TENM3: variants seen among roughly 807,000 people sequenced by gnomAD.
TENM3 encodes teneurin transmembrane protein 3, also known as teneurin-3.
In TENM3, 63 loss-of-function variants were observed where a neutral mutation model predicts 255.1. The ratio of observed to expected loss-of-function variants is 0.25; its 90% CI spans 0.20 to 0.30. The LOEUF (loss-of-function observed/expected upper bound fraction) is 0.30, where lower values mean the gene tolerates loss of function less well. Among genes scored for constraint, TENM3 ranks in the 10% least tolerant of loss-of-function variants. TENM3 has a pLI of 1.00. For missense variants in TENM3, 2,929 were observed against 3,461.1 expected (o/e 0.85, Z 3.86); for synonymous variants, 1,306 against 1,322.3 (o/e 0.99, Z 0.27).
At chr4:181,667,794 C>T in the TENM3 span, among the ~76,000 whole-genome samples, 9 of 152,170 alleles carry the variant, frequency 5.9e-5, no homozygotes, top group Non-Finnish European at 1.3e-4. Context: ...AGACACTGTC[C>T]TTTACAGAGA....
At chr4:181,609,405 C>G in the TENM3 span, among the ~76,000 whole-genome samples, 1 of 152,104 alleles carries the variant, frequency 6.6e-6, no homozygotes, top group Non-Finnish European at 1.5e-5. Context: ...AATATACTGC[C>G]TAGAATATAT....
chr4:182,508,143 T>G lies in TENM3; in HGVS notation c.512-92781T>G, dbSNP rs1737027787. ...TACTACCTATCTTGTTGAGCTGTTA[T>G]AAGGATGAGACATACCACATGTAAT... is the stretch of plus-strand genomic sequence containing the variant. On this transcript the variant is annotated intron_variant, in intron 3 of 27. Coordinates refer to ENST00000511685, the MANE Select transcript of TENM3 (RefSeq NM_001080477.4). 3.3e-5 allele frequency among the ~76,000 whole-genome samples: 5 copies of G among 152,336 alleles called. No individual in the cohort carries two copies. The South Asian group carries it at 1.0e-3, about 32-fold the overall frequency.
At chr4:182,654,908 GA>G (rs1348457111) in intron 6 of TENM3, among the ~76,000 whole-genome samples, 1 of 151,936 alleles carries the variant, frequency 6.6e-6, no homozygotes, top group Non-Finnish European at 1.5e-5. Flanking sequence ...TCTCCTTAGG[GA>G]GGTTGAGGAA....
the TENM3 span, among the ~76,000 whole-genome samples, chr4:181,737,654 A>G: frequency 2.6e-5 from 4 of 152,124 alleles, no homozygotes; most frequent in African/African-American, 9.7e-5. Flanking sequence ...TCTATCATAA[A>G]GATAATTTAA....
the TENM3 span, among the ~76,000 whole-genome samples, chr4:181,819,690 A>G: frequency 6.6e-6 from 1 of 152,154 alleles, no homozygotes; most frequent in Non-Finnish European, 1.5e-5. Context: ...GGAGCACTTG[A>G]CCTTAGATCC....
chr4:182,617,676 G>T lies in TENM3; in HGVS notation c.750-10975G>T, dbSNP rs139061397. Reference sequence around the variant, plus strand: ...AGCCAGTCTTTCTTATTGACACATTGTCTTTGAAATCAAAACATCTAATTT... The same window carrying T: ...AGCCAGTCTTTCTTATTGACACATTTTCTTTGAAATCAAAACATCTAATTT... On this transcript the variant is annotated intron_variant, in intron 4 of 27. Coordinates refer to ENST00000511685, the MANE Select transcript of TENM3 (RefSeq NM_001080477.4). Among the ~76,000 whole-genome samples, 514 of 152,266 alleles carry T rather than the reference G, an allele frequency of 3.4e-3. 2 individuals carry two copies. Among genetic ancestry groups the T allele is most frequent in the African/African-American group, 0.012 (488 of 41,570 alleles).
At chr4:182,100,822 C>CACATAT in the TENM3 span, among the ~76,000 whole-genome samples, 1 of 10,510 alleles carries the variant, frequency 9.5e-5, no homozygotes, top group African/African-American at 4.1e-4. Flanking sequence ...TATATATACA[C>CACATAT]ATATATATAT....
the TENM3 span, among the ~76,000 whole-genome samples, chr4:181,570,558 GAAAA>G: frequency 7.2e-6 from 1 of 138,210 alleles, no homozygotes; most frequent in African/African-American, 2.7e-5. Flanking sequence ...AAGAGAGAGA[GAAAA>G]AAAAGAAAGG....
At chr4:181,458,585 C>T in the TENM3 span, among the ~76,000 whole-genome samples, 2 of 151,926 alleles carry the variant, frequency 1.3e-5, no homozygotes, top group African/African-American at 4.8e-5. Flanking sequence ...TATTCTCTCT[C>T]TTCTGGTCCA....
intron 11 of TENM3, among the ~76,000 whole-genome samples, chr4:182,685,368 G>A (rs1023459673): frequency 1.3e-5 from 2 of 152,048 alleles, no homozygotes; most frequent in Non-Finnish European, 2.9e-5. Context: ...ATAAATAAGA[G>A]TAAAAACACA....
At chr4:181,722,276 A>G in the TENM3 span, among the ~76,000 whole-genome samples, 2,102 of 152,292 alleles carry the variant, frequency 0.014, 42 homozygotes, top group African/African-American at 0.045. Context: ...AGACCAGTTC[A>G]TGGCACATAG....
the TENM3 span, among the ~76,000 whole-genome samples, chr4:181,632,855 C>T: frequency 0.076 from 11,539 of 152,204 alleles, 492 homozygotes; most frequent in East Asian, 0.14. Context: ...TTGGAAATCT[C>T]AAACCAAACG....
intron 3 of TENM3, among the ~76,000 whole-genome samples, chr4:182,367,797 T>G (rs1255524025): frequency 6.6e-6 from 1 of 152,180 alleles, no homozygotes; most frequent in Admixed American, 6.5e-5. Flanking sequence ...AAAATACATG[T>G]GGATTTAAAG....
intron 4 of TENM3, among the ~76,000 whole-genome samples, chr4:182,615,437 A>G (rs1366869500): frequency 6.6e-6 from 1 of 152,168 alleles, no homozygotes. Flanking sequence ...AAATCCAAGT[A>G]TAGAGTCCCA....
chr4:182,521,177 T>G (rs534728494), intron 3 of TENM3, among the ~76,000 whole-genome samples: 2 of 152,328 alleles, frequency 1.3e-5, no homozygotes, highest in East Asian at 3.9e-4. Flanking sequence ...GGAAGTATCA[T>G]GCACTCTGTA....
intron 1 of TENM3, among the ~76,000 whole-genome samples, chr4:182,168,248 C>T (rs2149680594): frequency 6.6e-6 from 1 of 152,162 alleles, no homozygotes; most frequent in African/African-American, 2.4e-5. Flanking sequence ...AATTCTCCCA[C>T]CTCAGCCTCC....
At chr4:182,219,816 C>G (rs1755739155) in intron 1 of TENM3, among the ~76,000 whole-genome samples, 1 of 152,170 alleles carries the variant, frequency 6.6e-6, no homozygotes, top group African/African-American at 2.4e-5. Context: ...GTTTGACTGT[C>G]ATACAGTCAA....
the TENM3 span, among the ~76,000 whole-genome samples, chr4:181,711,328 C>T: frequency 6.6e-6 from 1 of 152,082 alleles, no homozygotes; most frequent in Non-Finnish European, 1.5e-5. Flanking sequence ...TGTGTGCCTC[C>T]AGGAGGGCCA....
chr4:182,480,910 G>A (rs1734132254), intron 3 of TENM3, among the ~76,000 whole-genome samples: 1 of 152,072 alleles, frequency 6.6e-6, no homozygotes, highest in Admixed American at 6.5e-5. Context: ...TTGATTTTGA[G>A]ATATACGGAG....
Sources: gnomAD v4.1 joint callset for allele counts (sites outside exome capture counted in the v4.1 genomes callset) on GRCh38, gnomAD v4.1.1 for gene constraint, MANE v1.5 for transcripts, NCBI Gene and HGNC (gene_info 2026-07-23, HGNC 2026-07-21) for gene names.